RALYL: variants seen among roughly 807,000 people sequenced by gnomAD.
The protein encoded by RALYL is RNA-binding Raly-like protein.
In RALYL, 29 loss-of-function variants were observed where a neutral mutation model predicts 35.1. That is an observed-to-expected ratio of 0.83 (90% CI 0.61 to 1.13). The LOEUF (loss-of-function observed/expected upper bound fraction) is 1.13, where lower values mean the gene tolerates loss of function less well. Among genes scored for constraint, RALYL ranks in the 50% most tolerant of loss-of-function variants. The pLI, the probability that RALYL is intolerant of heterozygous loss-of-function variation, is 0.00. For missense variants in RALYL, 359 were observed against 360.4 expected, an observed-to-expected ratio of 1.00 and a Z score of 0.03; for synonymous variants, 120 against 127.6, an observed-to-expected ratio of 0.94 and a Z score of 0.40.
At chr8:84,582,336 CG>C (rs1187230462) in intron 2 of RALYL, among the ~76,000 whole-genome samples, 8 of 151,978 alleles carry the variant, frequency 5.3e-5, no homozygotes, top group Non-Finnish European at 1.2e-4. Flanking sequence ...TTATAACAAA[CG>C]TAACTCATTT....
chr8:84,319,567 A>T (rs1171239112), intron 1 of RALYL, among the ~76,000 whole-genome samples: 2 of 152,118 alleles, frequency 1.3e-5, no homozygotes, highest in Non-Finnish European at 2.9e-5. Flanking sequence ...TATTGCAGAT[A>T]CCAGATGATA....
intron 2 of RALYL, among the ~76,000 whole-genome samples, chr8:84,580,643 A>G (rs1451665415): frequency 6.6e-6 from 1 of 152,226 alleles, no homozygotes; most frequent in Non-Finnish European, 1.5e-5. Context: ...TTCAAACTAT[A>G]GATATTTTCA....
intron 1 of RALYL, among the ~76,000 whole-genome samples, chr8:84,475,865 A>G (rs2053343035): frequency 6.6e-6 from 1 of 152,192 alleles, no homozygotes; most frequent in African/African-American, 2.4e-5. Flanking sequence ...AATATATGAT[A>G]TATAAAAATA....
intron 4 of RALYL, among the ~76,000 whole-genome samples, chr8:84,834,863 A>T (rs1055454936): frequency 2.6e-5 from 4 of 152,182 alleles, no homozygotes; most frequent in African/African-American, 9.6e-5. Flanking sequence ...CATTCGATTT[A>T]AAAAAATATC....
chr8:84,740,838 C>T (rs1270208502), intron 2 of RALYL, among the ~76,000 whole-genome samples: 3 of 151,966 alleles, frequency 2.0e-5, no homozygotes, highest in Non-Finnish European at 4.4e-5. Context: ...CTTTGCCAGA[C>T]TGTTCAGTGA....
At chr8:84,610,392 T>G (rs946276122) in intron 2 of RALYL, among the ~76,000 whole-genome samples, 2 of 151,890 alleles carry the variant, frequency 1.3e-5, no homozygotes, top group African/African-American at 2.4e-5. Context: ...GCAGATAGAG[T>G]TTTTTGGAAG....
intron 2 of RALYL, among the ~76,000 whole-genome samples, chr8:84,539,714 A>G (rs998782587): frequency 9.2e-5 from 14 of 151,574 alleles, no homozygotes; most frequent in African/African-American, 3.4e-4. Flanking sequence ...TTGATAGTGA[A>G]AAAGATTCAC....
chr8:84,463,075 A>G (rs959563322), intron 1 of RALYL, among the ~76,000 whole-genome samples: 5 of 151,960 alleles, frequency 3.3e-5, no homozygotes, highest in Admixed American at 3.3e-4. Flanking sequence ...CTTAAATGTC[A>G]TTGACTTTCA....
intron 2 of RALYL, among the ~76,000 whole-genome samples, chr8:84,681,983 A>G (rs535913217): frequency 6.6e-6 from 1 of 152,298 alleles, no homozygotes; most frequent in South Asian, 2.1e-4. Context: ...GGTTTGTCAT[A>G]GATAGCTCTT....
chr8:84,481,501 G>T (rs2054035707), intron 1 of RALYL, among the ~76,000 whole-genome samples: 1 of 152,060 alleles, frequency 6.6e-6, no homozygotes, highest in South Asian at 2.1e-4. Flanking sequence ...TTATCAAACA[G>T]ACTTTATTAT....
At position 84,584,904 on chromosome 8, in the gene RALYL, G is replaced by C. The variant is rs545695611; in HGVS notation, c.256+55327G>C. Among the ~76,000 whole-genome samples the C allele has an allele frequency of 6.6e-5, 10 of 152,254 alleles. No homozygotes were observed. In the East Asian group the frequency reaches 1.9e-3, roughly 29 times the overall value. ...TCTTAGGATCATAAAGAAACTGCTA[G>C]TCAGATGATTTTTCTCTTCCACTAA... On this transcript the variant is annotated intron_variant, in intron 2 of 8. Coordinates refer to ENST00000521268, the MANE Select transcript of RALYL (RefSeq NM_173848.7).
chr8:84,555,218 G>A (rs2061026305), intron 2 of RALYL, among the ~76,000 whole-genome samples: 1 of 152,144 alleles, frequency 6.6e-6, no homozygotes, highest in Non-Finnish European at 1.5e-5. Flanking sequence ...GGCAGAGGTT[G>A]CAGTGAGCCG....
intron 2 of RALYL, among the ~76,000 whole-genome samples, chr8:84,760,677 G>A (rs1812469532): frequency 6.6e-6 from 1 of 151,974 alleles, no homozygotes; most frequent in Admixed American, 6.6e-5. Context: ...AGATTTTTAA[G>A]TTTGTAAAGA....
At chr8:84,369,546 G>C (rs567316861) in intron 1 of RALYL, among the ~76,000 whole-genome samples, 3 of 151,814 alleles carry the variant, frequency 2.0e-5, no homozygotes, top group Non-Finnish European at 2.9e-5. Flanking sequence ...AAGAGCTTCA[G>C]GGGGGTAGGT....
Position 84,728,708 on chromosome 8 carries a change from C to T in RALYL, c.257-45871C>T, listed in dbSNP as rs559208318. 3.3e-5 allele frequency among the ~76,000 whole-genome samples: 5 copies of T among 152,146 alleles called. No homozygotes were observed. The South Asian group carries it at 1.0e-3, about 32-fold the overall frequency. ...TTCTACATATGGCTAGCCAGTTTTC[C>T]CAGCACCATTTATTAAATAGGGAAT... On this transcript the variant is annotated intron_variant, in intron 2 of 8. Transcript: ENST00000521268.
intron 1 of RALYL, among the ~76,000 whole-genome samples, chr8:84,319,793 A>C (rs1365424716): frequency 6.6e-6 from 1 of 152,112 alleles, no homozygotes; most frequent in Non-Finnish European, 1.5e-5. Flanking sequence ...CATCACTTAA[A>C]TATATTAGAA....
chr8:84,650,569 A>G (rs991499711), intron 2 of RALYL, among the ~76,000 whole-genome samples: 3 of 152,010 alleles, frequency 2.0e-5, no homozygotes, highest in Admixed American at 6.6e-5. Flanking sequence ...AAGTCAGGAA[A>G]CAACAGGTGC....
intron 4 of RALYL, chr8:84,829,003 A>C (rs1830301025): frequency 6.6e-6 from 1 of 152,120 alleles, no homozygotes; most frequent in African/African-American, 2.4e-5. Context: ...TCATACTGCT[A>C]TGAAGAAACA....
At chr8:84,281,617 A>G (rs942390797) in intron 1 of RALYL, among the ~76,000 whole-genome samples, 8 of 152,294 alleles carry the variant, frequency 5.3e-5, no homozygotes, top group East Asian at 1.9e-4. Flanking sequence ...ACTCAGCAGA[A>G]GCTAGTCTTC....
Sources: allele counts gnomAD v4.1 joint callset (sites outside exome capture counted in the v4.1 genomes callset), GRCh38; gene constraint gnomAD v4.1.1; transcripts MANE v1.5; gene names NCBI Gene and HGNC (gene_info 2026-07-23, HGNC 2026-07-21).